The following RHOA variants were observed in gnomAD, a reference collection of about 807,000 sequenced individuals.
RHOA encodes the protein ras homolog family member A.
In RHOA, 3 loss-of-function variants were observed where a neutral mutation model predicts 17.5. The ratio of observed to expected loss-of-function variants is 0.17; its 90% confidence interval spans 0.08 to 0.44. RHOA has a LOEUF of 0.44. Among genes scored for constraint, RHOA ranks in the 20% least tolerant of loss-of-function variants. RHOA has a pLI of 0.99. For synonymous variants in RHOA, 98 were observed against 88.4 expected (o/e 1.11, Z -0.61); for missense variants, 56 against 242.3 (o/e 0.23, Z 5.10).
intron 1 of RHOA, among the ~76,000 whole-genome samples, chr3:49,404,888 G>A (rs1160202042): frequency 1.1e-4 from 16 of 151,116 alleles, no homozygotes; most frequent in Non-Finnish European, 2.4e-4. Flanking sequence ...GCAGTGAGCC[G>A]AGATCACGCC....
chr3:49,369,006 C>CTTTTTTTTTTT lies in RHOA; in HGVS notation c.157-469_157-459dup, dbSNP rs1160140765. On this transcript the variant is annotated intron_variant, in intron 2 of 4. Transcript: ENST00000418115. ...GCAGGCGTGACCCACCGCGCCTGGC[C>CTTTTTTTTTTT]TTTTTTTTTTTTTTTTTTTTTTTTT... is the stretch of plus-strand genomic sequence containing the variant. Among the ~76,000 whole-genome samples the CTTTTTTTTTTT allele has an allele frequency of 2.7e-4, 16 of 59,710 alleles. 1 individual carries two copies. Among genetic ancestry groups the CTTTTTTTTTTT allele is most frequent in the African/African-American group, 1.1e-3 (14 of 12,924 alleles). The allele number at this position is 59,710 out of a possible 152,430, so 39.2% of individuals were successfully genotyped here.
At chr3:49,377,267 G>A (rs1326476067) in intron 1 of RHOA, among the ~76,000 whole-genome samples, 1 of 151,490 alleles carries the variant, frequency 6.6e-6, no homozygotes, top group Non-Finnish European at 1.5e-5. Context: ...CACTGAGAAA[G>A]GAAGGACGGA....
chr3:49,378,205 C>G (rs1405065116), intron 1 of RHOA, among the ~76,000 whole-genome samples: 2 of 135,918 alleles, frequency 1.5e-5, no homozygotes, highest in Non-Finnish European at 1.6e-5. Flanking sequence ...AGAACTCCTT[C>G]TGACATGAAG....
At chr3:49,389,675 C>T (rs2048462463) in intron 1 of RHOA, among the ~76,000 whole-genome samples, 1 of 152,124 alleles carries the variant, frequency 6.6e-6, no homozygotes, top group Admixed American at 6.6e-5. Flanking sequence ...GGCGCGGTGG[C>T]TTACGCCTGT....
At chr3:49,381,070 G>A (rs994938549) in intron 1 of RHOA, among the ~76,000 whole-genome samples, 2 of 151,286 alleles carry the variant, frequency 1.3e-5, no homozygotes, top group Admixed American at 6.6e-5. Context: ...GAAGCATATC[G>A]ATGATAGGGA....
intron 1 of RHOA, among the ~76,000 whole-genome samples, chr3:49,397,595 G>C: frequency 6.6e-6 from 1 of 152,092 alleles, no homozygotes; most frequent in Non-Finnish European, 1.5e-5. Flanking sequence ...ATAGTCACAT[G>C]GCTGCCAGTT....
At chr3:49,373,902 C>T (rs1339203714) in intron 2 of RHOA, among the ~76,000 whole-genome samples, 1 of 150,736 alleles carries the variant, frequency 6.6e-6, no homozygotes, top group Admixed American at 6.6e-5. Context: ...CAAACCAAAA[C>T]CAAAATTAAA....
intron 1 of RHOA, among the ~76,000 whole-genome samples, chr3:49,380,674 A>AAATAATAATAAT (rs199906304): frequency 5.5e-4 from 75 of 137,538 alleles, no homozygotes; most frequent in Non-Finnish European, 9.1e-4. Flanking sequence ...CTTGTCTCAA[A>AAATAATAATAAT]AATAATAATA....
At chr3:49,397,461 A>G (rs2048636075) in intron 1 of RHOA, among the ~76,000 whole-genome samples, 1 of 152,138 alleles carries the variant, frequency 6.6e-6, no homozygotes, top group South Asian at 2.1e-4. Context: ...GAATGGTGTG[A>G]TATATGAATT....
At chr3:49,411,510 C>T (rs6775500) in intron 1 of RHOA, among the ~76,000 whole-genome samples, 149,559 of 152,280 alleles carry the variant, frequency 0.98, 73,512 homozygotes, top group Middle Eastern at 1. Flanking sequence ...TGCCCGGCGC[C>T]GCTGGGAGAG....
chr3:49,407,062 G>A (rs549666475), intron 1 of RHOA, among the ~76,000 whole-genome samples: 6 of 151,908 alleles, frequency 3.9e-5, no homozygotes, highest in South Asian at 2.1e-4. Context: ...CACGAGAATC[G>A]CTTGAACCTG....
intron 3 of RHOA, among the ~76,000 whole-genome samples, chr3:49,364,661 A>T (rs1432046828): frequency 2.0e-5 from 3 of 151,992 alleles, no homozygotes; most frequent in Admixed American, 6.6e-5. Context: ...ACTCCGTCTC[A>T]AAATAAATAA....
intron 3 of RHOA, among the ~76,000 whole-genome samples, chr3:49,363,410 C>T (rs541224556): frequency 3.9e-5 from 6 of 151,982 alleles, no homozygotes; most frequent in Admixed American, 1.3e-4. Flanking sequence ...AGCAAGACTC[C>T]GTCTCAAATA....
chr3:49,375,372 A>G, intron 2 of RHOA, 62 bp downstream of exon 2: 1 of 1,503,784 alleles, frequency 6.6e-7, no homozygotes, highest in Non-Finnish European at 9.0e-7. Flanking sequence ...CTAATTCTCT[A>G]CATGCTCCAT....
At chr3:49,373,328 AG>A in intron 2 of RHOA, 1 of 201,994 alleles carries the variant, frequency 5.0e-6, no homozygotes, top group Non-Finnish European at 1.1e-5. Flanking sequence ...TGGGTGATAG[AG>A]GGAGACTCTG....
intron 1 of RHOA, among the ~76,000 whole-genome samples, chr3:49,377,969 C>T (rs2048259031): frequency 6.6e-6 from 1 of 151,660 alleles, no homozygotes; most frequent in Non-Finnish European, 1.5e-5. Flanking sequence ...ACCAACCCAG[C>T]AAAACCCCGT....
At chr3:49,405,956 A>G (rs909811499) in intron 1 of RHOA, among the ~76,000 whole-genome samples, 5 of 152,206 alleles carry the variant, frequency 3.3e-5, no homozygotes, top group Non-Finnish European at 7.3e-5. Flanking sequence ...AAGTGCTGGG[A>G]TAACTGGCAT....
chr3:49,408,398 G>GC (rs2048876292), intron 1 of RHOA, among the ~76,000 whole-genome samples: 1 of 152,102 alleles, frequency 6.6e-6, no homozygotes, highest in Admixed American at 6.6e-5. Context: ...TTGCAATTTA[G>GC]CAAGAGTATT....
Position 49,360,054 on chromosome 3 carries a change from T to C in RHOA, c.*155A>G. On this transcript the variant is annotated 3_prime_UTR_variant, in exon 5 of 5. Coordinates refer to ENST00000418115, the MANE Select transcript of RHOA (RefSeq NM_001664.4). ...CAGACGGGTTGGACATCGTTAATAA[T>C]CATAGTTGGCTTCTAAATACTGGTA... 4.6e-6 allele frequency: 4 copies of C among 865,508 alleles called. No homozygotes were observed. The highest frequency in any genetic ancestry group is 6.8e-6 in the Non-Finnish European group (4 of 585,232). 53.6% of individuals were successfully genotyped at this position (865,508 alleles called of 1,614,324 possible).
Sources: allele counts gnomAD v4.1 joint callset (sites outside exome capture counted in the v4.1 genomes callset), GRCh38; gene constraint gnomAD v4.1.1; transcripts MANE v1.5; gene names NCBI Gene and HGNC (gene_info 2026-07-23, HGNC 2026-07-21).